ZNF768: variants seen among roughly 807,000 people sequenced by gnomAD.
The protein encoded by ZNF768 is zinc finger protein 768.
ZNF768 carries 12 observed loss-of-function variants against 39.7 expected under a neutral mutation model. The ratio of observed to expected loss-of-function variants is 0.30; its 90% CI spans 0.19 to 0.49. The LOEUF is 0.49. ZNF768 is among the 20% of genes least tolerant of loss of function. ZNF768 has a pLI of 0.99. For synonymous variants in ZNF768, 360 were observed against 288.4 expected, an observed-to-expected ratio of 1.25 and a Z score of -2.52; for missense variants, 613 against 723.2, an observed-to-expected ratio of 0.85 and a Z score of 1.75.
Position 30,524,099 on chromosome 16 carries a change from C to A in ZNF768, c.*418G>T. On this transcript the variant is annotated 3_prime_UTR_variant, in exon 2 of 2. Transcript: ENST00000380412. The stretch of plus-strand genomic sequence containing the variant: ...GGGTTTGCACGCAGAGGCCCAGGCC[C>A]CACCCCGGGGCCCCACTCCCCACCC... 5.1e-6 allele frequency: 1 copy of A among 197,428 alleles called. No individual in the cohort carries two copies. The highest frequency in any genetic ancestry group is 1.0e-5 in the Non-Finnish European group (1 of 97,374). 12.2% of individuals were successfully genotyped at this position (197,428 alleles called of 1,614,324 possible).
At chr16:30,529,821 G>GTTTT (rs1272934657), upstream of ZNF768, among the ~76,000 whole-genome samples, 4 of 132,718 alleles carry the variant, frequency 3.0e-5, no homozygotes, top group Non-Finnish European at 3.2e-5. Flanking sequence ...GGAGTAGCTA[G>GTTTT]TTTTTTTTTT....
upstream of ZNF768, among the ~76,000 whole-genome samples, chr16:30,529,230 A>G (rs2051350896): frequency 6.6e-6 from 1 of 152,254 alleles, no homozygotes; most frequent in Non-Finnish European, 1.5e-5. Context: ...TCTTGACCCA[A>G]CACCAGCTAA....
At chr16:30,527,298 C>G (rs1331122203), upstream of ZNF768, 6 of 986,052 alleles carry the variant, frequency 6.1e-6, no homozygotes, top group African/African-American at 1.0e-4. Flanking sequence ...CTCCGGCCCC[C>G]ACCCAGCTCG....
Position 30,524,601 on chromosome 16 carries a change from G to A in ZNF768, c.1539C>T (p.Tyr513=), listed in dbSNP as rs1347019504. Residue 513 remains tyrosine (Y), a synonymous_variant, in exon 2 of 2, where the codon TAC becomes TAT. Transcript: ENST00000380412. ...HHRVHSGERP[Y]KCDDCGKAFS... ...AGGCCTTTCCGCAGTCATCGCACTT[G>A]TAAGGCCGCTCGCCACTGTGGACCC... 3.1e-6 allele frequency: 5 copies of A among 1,612,696 alleles called. No homozygotes were observed. Among genetic ancestry groups the A allele is most frequent in the African/African-American group, 2.7e-5 (2 of 74,914 alleles).
At chr16:30,526,182 C>T (rs759983745) in intron 1 of ZNF768, 131 bp from the exon 2 acceptor site, 109 of 1,515,672 alleles carry the variant, frequency 7.2e-5, no homozygotes, top group Non-Finnish European at 9.1e-5. Flanking sequence ...ACGCCCCCCT[C>T]AGCTGACCCA....
In ZNF768 at chr16:30,524,542, C is replaced by CG. The variant is rs1567497853; in HGVS notation, c.1597dup (p.Arg533ProfsTer46). The CG allele has an allele frequency of 1.2e-6, 2 of 1,610,424 alleles. No homozygotes were observed. The highest frequency in any genetic ancestry group is 1.7e-6 in the Non-Finnish European group (2 of 1,179,592). ...TCAGCGCCGGCCCGCCGCGTGGGTC[C>CG]GCTGGTGGCGGATGAGGTCGGAGCT... On this transcript the variant is annotated frameshift_variant, in exon 2 of 2. Coordinates refer to ENST00000380412, the MANE Select transcript of ZNF768 (RefSeq NM_024671.4). LOFTEE classifies it high-confidence loss of function.
intron 1 of ZNF768, 31 bp downstream of exon 1, chr16:30,526,295 T>C (rs1441217929): frequency 6.2e-7 from 1 of 1,607,464 alleles, no homozygotes; most frequent in Admixed American, 1.7e-5. Context: ...TGCGCGCAAG[T>C]CCACTCCTCG....
At chr16:30,529,060 C>T (rs1191248392), upstream of ZNF768, among the ~76,000 whole-genome samples, 1 of 152,232 alleles carries the variant, frequency 6.6e-6, no homozygotes, top group Non-Finnish European at 1.5e-5. Context: ...TTCAGCCTCA[C>T]TGGCACCTGG....
chr16:30,525,349 C>T lies in ZNF768; in HGVS notation c.791G>A (p.Gly264Asp). The stretch of plus-strand genomic sequence containing the variant: ...CCGCCCGAAGCTCTTCCCGCAGATG[C>T]CACAGATGTTAGGCCGAGGGCCCTG... ...GGQGPRPNIC[G>D]ICGKSFGRGS... is the part of the protein sequence containing the mutation. Residue 264 changes from glycine (G) to aspartate (D), a missense_variant, in exon 2 of 2, where the codon GGC becomes GAC. By Grantham distance (94) the Gly-to-Asp change is moderately conservative (BLOSUM62 -1). Around this residue, in one of 4 missense-constraint regions of ZNF768, gnomAD observed 40 missense variants for 52.0 expected, o/e 0.77. Transcript: ENST00000380412. 6.2e-7 allele frequency: 1 copy of T among 1,614,066 alleles called. No individual in the cohort carries two copies. Among genetic ancestry groups the T allele is most frequent in the Non-Finnish European group, 8.5e-7 (1 of 1,179,906 alleles).
chr16:30,526,219 C>G, intron 1 of ZNF768, 107 bp downstream of exon 1: 1 of 1,550,592 alleles, frequency 6.4e-7, no homozygotes, highest in South Asian at 1.2e-5. Context: ...GCCGGCCCCT[C>G]CTTCGAGTCC....
Position 30,526,364 on chromosome 16 carries a change from C to A in ZNF768, c.50G>T (p.Ser17Ile). The A allele has an allele frequency of 1.2e-6, 2 of 1,606,064 alleles. No homozygotes were observed. ...PWGLEPQDVQ[S>I]SDEMRSPEGY... ...TTCGGGGCTCCTCATTTCGTCAGAACTCTGCACATCCTGGGGCTCGAGGCC... is the reference window on the plus strand; with the variant it reads ...TTCGGGGCTCCTCATTTCGTCAGAAATCTGCACATCCTGGGGCTCGAGGCC... Residue 17 changes from serine to isoleucine, a missense_variant, in exon 1 of 2, where the codon AGT becomes ATT. By Grantham distance (142) the Ser-to-Ile change is moderately radical. Coordinates refer to ENST00000380412, the MANE Select transcript of ZNF768 (RefSeq NM_024671.4).
chr16:30,526,103 C>T (rs1469999061), intron 1 of ZNF768, 52 bp from the exon 2 acceptor site: 9 of 1,492,794 alleles, frequency 6.0e-6, no homozygotes, highest in Non-Finnish European at 8.0e-6. Context: ...TCATTTGGTC[C>T]ATTAGCAACC....
chr16:30,524,877 G>A lies in ZNF768; in HGVS notation c.1263C>T (p.Arg421=). ...SQRSALIPHA[R]SHAREKPFKC... is the part of the protein sequence containing the mutation. The stretch of plus-strand genomic sequence containing the variant: ...TGAAGGGCTTCTCCCGGGCGTGGCT[G>A]CGGGCATGGGGGATAAGGGCCGACC... The change falls in exon 2 of 2, where the codon CGC becomes CGT. Residue 421 remains arginine (R), a synonymous_variant. Transcript: ENST00000380412. 4 of 1,611,638 alleles carry A rather than the reference G, an allele frequency of 2.5e-6. 1 individual carries two copies. In the East Asian group the frequency reaches 8.9e-5, roughly 36 times the overall value.
Position 30,525,450 on chromosome 16 carries a change from C to T in ZNF768, c.690G>A (p.Glu230=). Residue 230 remains glutamate (E), a synonymous_variant, in exon 2 of 2, where the codon GAG becomes GAA. Coordinates refer to ENST00000380412, the MANE Select transcript of ZNF768 (RefSeq NM_024671.4). ...TGAGACCCAGGGGATTCTGAAGCAT[C>T]TCAAACTGCGGTGTAGACAGCAGGG... ...TGALLSTPQF[E]MLQNPLGLTG... is the part of the protein sequence containing the mutation. 1 of 1,614,028 alleles carries T rather than the reference C, an allele frequency of 6.2e-7. No homozygotes were observed. The highest frequency in any genetic ancestry group is 1.1e-5 in the South Asian group (1 of 91,094).
chr16:30,529,033 G>A (rs191624521), upstream of ZNF768, among the ~76,000 whole-genome samples: 7 of 152,292 alleles, frequency 4.6e-5, no homozygotes, highest in East Asian at 5.8e-4. Context: ...CCAGGCACCC[G>A]CATTTCCAAG....
In ZNF768 at chr16:30,524,544, C is replaced by T. The variant is rs565599059; in HGVS notation, c.1596G>A (p.Gln532=). 4 of 1,610,822 alleles carry T rather than the reference C, an allele frequency of 2.5e-6. No homozygotes were observed. In the East Asian group the frequency reaches 8.9e-5, roughly 36 times the overall value. The change falls in exon 2 of 2, where the codon CAG becomes CAA. Residue 532 remains glutamine (Q), a synonymous_variant. Transcript: ENST00000380412. Reference sequence around the variant, plus strand: ...AGCGCCGGCCCGCCGCGTGGGTCCGCTGGTGGCGGATGAGGTCGGAGCTCT... The same window carrying T: ...AGCGCCGGCCCGCCGCGTGGGTCCGTTGGTGGCGGATGAGGTCGGAGCTCT... ...FSQSSDLIRH[Q]RTHAAGRR
chr16:30,528,446 T>G (rs2051345984), upstream of ZNF768, among the ~76,000 whole-genome samples: 1 of 151,926 alleles, frequency 6.6e-6, no homozygotes, highest in Non-Finnish European at 1.5e-5. Context: ...CCCAGCTACT[T>G]GGGAGGCTGA....
chr16:30,528,830 G>A (rs115103069), upstream of ZNF768, among the ~76,000 whole-genome samples: 73 of 152,280 alleles, frequency 4.8e-4, no homozygotes, highest in Middle Eastern at 3.4e-3. Flanking sequence ...TAGGAAACAA[G>A]TCTCCTTCAC....
Position 30,525,891 on chromosome 16 carries a change from G to A in ZNF768, c.249C>T (p.Ser83=). The change falls in exon 2 of 2, where the codon AGC becomes AGT. Residue 83 remains serine (S), a synonymous_variant. Coordinates refer to ENST00000380412, the MANE Select transcript of ZNF768 (RefSeq NM_024671.4). ...EPQSPRFEPE[S]PGFESRSPGL... ...CAGGGCTTCGGGACTCAAACCCCGG[G>A]CTTTCAGGCTCAAATCTGGGGCTTT... The A allele has an allele frequency of 6.6e-7, 1 of 1,519,512 alleles. No homozygotes were observed. Among genetic ancestry groups the A allele is most frequent in the Non-Finnish European group, 8.8e-7 (1 of 1,137,334 alleles). 94.1% of individuals were successfully genotyped at this position (1,519,512 alleles called of 1,614,324 possible). A position where few individuals can be genotyped will look rare whatever the true frequency, so the allele number is the denominator to read the frequency against.
Sources: gnomAD v4.1 joint callset for allele counts (sites outside exome capture counted in the v4.1 genomes callset) on GRCh38, gnomAD v4.1.1 for gene constraint, gnomAD v4.1.1 regional missense constraint, MANE v1.5 for transcripts, NCBI Gene and HGNC (gene_info 2026-07-23, HGNC 2026-07-21) for gene names.